ERMAP: variants seen among roughly 807,000 people sequenced by gnomAD.
The protein encoded by ERMAP is erythroid membrane-associated protein.
A neutral mutation model predicts 49.5 loss-of-function variants in ERMAP; 34 were observed. The ratio of observed to expected loss-of-function variants is 0.69; its 90% confidence interval spans 0.52 to 0.91. ERMAP has a LOEUF of 0.91. Among genes scored for constraint, ERMAP ranks in the 40% least tolerant of loss-of-function variants. The pLI, the probability that ERMAP is intolerant of heterozygous loss-of-function variation, is 0.00. For missense variants in ERMAP, 541 were observed against 582.6 expected, an observed-to-expected ratio of 0.93 and a Z score of 0.74; for synonymous variants, 214 against 232.2, an observed-to-expected ratio of 0.92 and a Z score of 0.71.
chr1:42,822,216 C>T (rs1654423740), intron 1 of ERMAP, among the ~76,000 whole-genome samples: 1 of 151,080 alleles, frequency 6.6e-6, no homozygotes, highest in South Asian at 2.1e-4. Flanking sequence ...TGGAGTCTCA[C>T]TCTCTCGCCC....
chr1:42,830,526 T>C lies in ERMAP; in HGVS notation c.78T>C (p.His26=), dbSNP rs1212040627. 2 of 1,614,034 alleles carry C rather than the reference T, an allele frequency of 1.2e-6. No individual in the cohort carries two copies. Among genetic ancestry groups the C allele is most frequent in the South Asian group, 1.1e-5 (1 of 91,072 alleles). ...TCGTCTTCCTCCGGCTGTCTGTGCA[T>C]GTGTCAGGTAGGAGTTTCTGATCCT... The part of the protein sequence containing the change: ...IPLVFLRLSV[H]VSGHAGDAGK... Residue 26 remains histidine (H), a synonymous_variant, in exon 3 of 12, where the codon CAT becomes CAC. Coordinates refer to ENST00000372517, the MANE Select transcript of ERMAP (RefSeq NM_001017922.2).
At chr1:42,817,284 C>A (rs1466911213) in intron 1 of ERMAP, 31 bp downstream of exon 1, 3 of 1,216,004 alleles carry the variant, frequency 2.5e-6, no homozygotes, top group Non-Finnish European at 3.2e-6. Context: ...ACCACTGGAC[C>A]CAGCGCTGCC....
At chr1:42,838,685 A>ATTCCTCCT in intron 7 of ERMAP, among the ~76,000 whole-genome samples, 1 of 152,206 alleles carries the variant, frequency 6.6e-6, no homozygotes, top group East Asian at 1.9e-4. Flanking sequence ...AAGGGGAAGG[A>ATTCCTCCT]GGAACCAAAG....
chr1:42,840,407 T>C, intron 11 of ERMAP, 111 bp downstream of exon 11: 1 of 1,331,556 alleles, frequency 7.5e-7, no homozygotes, highest in Non-Finnish European at 1.1e-6. Flanking sequence ...TAAAAATTTT[T>C]AAATCAAATC....
In ERMAP at chr1:42,842,616, A is replaced by G. The variant is rs1364182827; in HGVS notation, c.812A>G (p.Asp271Gly). 1 of 1,614,164 alleles carries G rather than the reference A, an allele frequency of 6.2e-7. No individual in the cohort carries two copies. The highest frequency in any genetic ancestry group is 1.1e-5 in the South Asian group (1 of 91,080). The change falls in exon 12 of 12, where the codon GAC becomes GGC. Residue 271 changes from aspartate to glycine, a missense_variant. Coordinates refer to ENST00000372517, the MANE Select transcript of ERMAP (RefSeq NM_001017922.2). ...RLGDRRQPVP[D>G]NPQRFDFVVS... ...GGAGACAGACGGCAGCCTGTACCTG[A>G]CAACCCCCAGAGATTTGATTTCGTT...
intron 4 of ERMAP, among the ~76,000 whole-genome samples, chr1:42,834,130 G>A (rs1409431126): frequency 6.6e-6 from 1 of 152,208 alleles, no homozygotes; most frequent in Non-Finnish European, 1.5e-5. Context: ...ACACAGCATT[G>A]AGCAAGGACA....
intron 7 of ERMAP, chr1:42,837,818 G>C (rs1654944942): frequency 6.6e-6 from 1 of 152,340 alleles, no homozygotes; most frequent in Non-Finnish European, 1.5e-5. Context: ...GTCTATCTGG[G>C]AAGACAAGTC....
rs1184748915 is a variant in ERMAP at position 42,819,699 on chromosome 1, A to G, written c.-122+2446A>G. Among the ~76,000 whole-genome samples the G allele has an allele frequency of 6.6e-6, 1 of 151,502 alleles. No homozygotes were observed. The highest frequency in any genetic ancestry group is 2.4e-5 in the African/African-American group (1 of 41,258). On this transcript the variant is annotated intron_variant, in intron 1 of 11. Coordinates refer to ENST00000372517, the MANE Select transcript of ERMAP (RefSeq NM_001017922.2). This position sits in a 1 kb window ranked among gnomAD's most constrained non-coding sequence, Gnocchi z 5.1. ...TTATTTTCAGAGGTGGGCTCAAGTG[A>G]TCCTCCCGCTTCAGCCCCTCAGTGG...
At chr1:42,824,851 G>C (rs1403563633) in intron 1 of ERMAP, 1 of 152,186 alleles carries the variant, frequency 6.6e-6, no homozygotes, top group Non-Finnish European at 1.5e-5. Context: ...GCCTTCCAAG[G>C]CTTTGTAGAA....
At chr1:42,817,364 G>A in intron 1 of ERMAP, 111 bp downstream of exon 1, 1 of 666,500 alleles carries the variant, frequency 1.5e-6, no homozygotes, top group Non-Finnish European at 1.9e-6. Flanking sequence ...GCGCCAGGAG[G>A]CTTCCGCCCG....
rs537575752 is a variant in ERMAP, at chr1:42,825,793, C to T, written c.-6+55C>T. 91 of 1,287,916 alleles carry T rather than the reference C, an allele frequency of 7.1e-5. 1 individual carries two copies. Among genetic ancestry groups the T allele is most frequent in the South Asian group, 6.4e-4 (52 of 80,850 alleles). The allele number at this position is 1,287,916 out of a possible 1,614,324, so 79.8% of individuals were successfully genotyped here. ...TTAGTCCTTTAACTTTCTCAGGATC[C>T]TCAGGTTTAGTAGAGAAATAATCCC... On this transcript the variant is annotated intron_variant, in intron 2 of 11. Coordinates refer to ENST00000372517, the MANE Select transcript of ERMAP (RefSeq NM_001017922.2).
intron 4 of ERMAP, among the ~76,000 whole-genome samples, chr1:42,832,607 T>C (rs11802698): frequency 0.04 from 6,086 of 152,032 alleles, 441 homozygotes; most frequent in African/African-American, 0.14. Flanking sequence ...CCTCAGGTGA[T>C]CCTCCCACCT....
rs752451851 is a variant in ERMAP, at chr1:42,830,831, G to A, written c.149G>A (p.Cys50Tyr). 12 of 1,597,392 alleles carry A rather than the reference G, an allele frequency of 7.5e-6. No individual in the cohort carries two copies. Among genetic ancestry groups the A allele is most frequent in the Non-Finnish European group, 8.5e-6 (10 of 1,172,204 alleles). Residue 50 changes from cysteine (C) to tyrosine (Y), a missense_variant, in exon 4 of 12, where the codon TGC (cysteine) becomes TAC (tyrosine). Transcript: ENST00000372517. ...ALLGGTAELL[C>Y]PLSLWPGTVP... ...CTAGGGGGCACAGCCGAGCTGCTCT[G>A]CCCTCTCTCCCTCTGGCCCGGGACG...
chr1:42,828,517 A>G (rs1654622380), intron 2 of ERMAP, among the ~76,000 whole-genome samples: 1 of 149,762 alleles, frequency 6.7e-6, no homozygotes. Flanking sequence ...TTTTTTTGAG[A>G]CAAGGTCTTG....
chr1:42,839,097 C>A, intron 8 of ERMAP, 176 bp downstream of exon 8: 1 of 862,440 alleles, frequency 1.2e-6, no homozygotes, highest in East Asian at 2.5e-5. Flanking sequence ...TTCTCTGCTC[C>A]TCTTTCCTGC....
Position 42,844,773 on chromosome 1 carries a change from T to A in ERMAP, c.*1541T>A, listed in dbSNP as rs1655166151. The A allele has an allele frequency of 6.6e-6, 1 of 152,198 alleles. No homozygotes were observed. Among genetic ancestry groups the A allele is most frequent in the African/African-American group, 2.4e-5 (1 of 41,442 alleles). The allele number at this position is 152,198 out of a possible 1,614,324, so 9.4% of individuals were successfully genotyped here. ...CTGATTCAGCAAGGCCCGCCCACAT[T>A]TGGGAGGACAGTCTGCATTACTCAG... On this transcript the variant is annotated 3_prime_UTR_variant, in exon 12 of 12. Transcript: ENST00000372517. This position sits in a 1 kb window ranked among gnomAD's most constrained non-coding sequence, Gnocchi z 4.0.
intron 6 of ERMAP, chr1:42,836,935 A>C: frequency 8.0e-5 from 32 of 400,618 alleles, no homozygotes; most frequent in East Asian, 1.5e-4. Context: ...CAATTCTCTC[A>C]GGCTGCAGAG....
At position 42,843,278 on chromosome 1, in the gene ERMAP, C is replaced by T. The variant is rs1342625432; in HGVS notation, c.*46C>T. ...TCCCATCACCATCCAGCCCAGCACCCTGGACTTCAGTCGCCTGGCCCAACC... is the reference window on the plus strand; with the variant it reads ...TCCCATCACCATCCAGCCCAGCACCTTGGACTTCAGTCGCCTGGCCCAACC... On this transcript the variant is annotated 3_prime_UTR_variant, in exon 12 of 12. Transcript: ENST00000372517. The T allele has an allele frequency of 7.0e-7, 1 of 1,434,368 alleles. No individual in the cohort carries two copies. Among genetic ancestry groups the T allele is most frequent in the East Asian group, 2.3e-5 (1 of 42,958 alleles). The allele number at this position is 1,434,368 out of a possible 1,614,324, so 88.9% of individuals were successfully genotyped here. A position where few individuals can be genotyped will look rare whatever the true frequency, so the allele number is the denominator to read the frequency against.
intron 2 of ERMAP, among the ~76,000 whole-genome samples, chr1:42,826,654 G>A (rs549032196): frequency 6.6e-6 from 1 of 151,994 alleles, no homozygotes; most frequent in African/African-American, 2.4e-5. Flanking sequence ...TCAGGAGTTC[G>A]AGACCATCCT....
Sources: allele counts gnomAD v4.1 joint callset (sites outside exome capture counted in the v4.1 genomes callset), GRCh38; gene constraint gnomAD v4.1.1; non-coding constraint Gnocchi (gnomAD v3.1); transcripts MANE v1.5; gene names NCBI Gene and HGNC (gene_info 2026-07-23, HGNC 2026-07-21).